Variants in UBA6 observed in about 807,000 individuals in gnomAD.
The protein encoded by UBA6 is ubiquitin like modifier activating enzyme 6.
Under a neutral mutation model 148.3 loss-of-function variants are expected in UBA6, and 87 were observed. The observed-to-expected ratio is 0.59, with a 90% CI of 0.49 to 0.70. The LOEUF (loss-of-function observed/expected upper bound fraction) is 0.70. Ranked by LOEUF, UBA6 falls within the 30% of genes least tolerant of loss-of-function variation. The pLI is 0.00. For missense variants in UBA6, 1,186 were observed against 1,241.2 expected, an observed-to-expected ratio of 0.96 and a Z score of 0.67; for synonymous variants, 376 against 401.0, an observed-to-expected ratio of 0.94 and a Z score of 0.75.
intron 8 of UBA6, among the ~76,000 whole-genome samples, chr4:67,669,561 T>C (rs757259913): frequency 2.6e-5 from 4 of 152,136 alleles, no homozygotes; most frequent in Non-Finnish European, 4.4e-5. Context: ...AAGTAAATTA[T>C]TTAGGTAAAA....
rs992852243 is a variant in UBA6, at chr4:67,613,281, A to T, written c.*5716T>A. 1.4e-4 allele frequency: 21 copies of T among 152,356 alleles called. No individual in the cohort carries two copies. The East Asian group carries it at 1.7e-3, about 13-fold the overall frequency. The allele number at this position is 152,356 out of a possible 1,614,324, so 9.4% of individuals were successfully genotyped here. On this transcript the variant is annotated 3_prime_UTR_variant, in exon 33 of 33. Coordinates refer to ENST00000322244, the MANE Select transcript of UBA6 (RefSeq NM_018227.6). ...CAAGTTATTTCTAGTTTTTTCAAAC[A>T]ATATTGGTAAATAATTAAAGGTAAC... is the stretch of plus-strand genomic sequence containing the variant.
chr4:67,649,129 C>T lies in UBA6; in HGVS notation c.1187G>A (p.Gly396Asp). 6.2e-7 allele frequency: 1 copy of T among 1,614,064 alleles called. No homozygotes were observed. Among genetic ancestry groups the T allele is most frequent in the Non-Finnish European group, 8.5e-7 (1 of 1,179,992 alleles). Residue 396 changes from glycine (G) to aspartate (D), a missense_variant, in exon 14 of 33, where the codon GGT becomes GAT. Gly to Asp is a moderately conservative substitution (Grantham distance 94). Transcript: ENST00000322244. Reference protein sequence around the residue: ...FLSPLAAAVGGVASQEVLKAV... With the variant: ...FLSPLAAAVGDVASQEVLKAV... ...TTTCAATACTTCTTGGCTGGCAACACCTCCTACTGCTGCAGCAAGTGGAGA... is the reference window on the plus strand; with the variant it reads ...TTTCAATACTTCTTGGCTGGCAACATCTCCTACTGCTGCAGCAAGTGGAGA...
At chr4:67,624,752 G>A (rs1433825495) in intron 29 of UBA6, among the ~76,000 whole-genome samples, 1 of 151,944 alleles carries the variant, frequency 6.6e-6, no homozygotes, top group Non-Finnish European at 1.5e-5. Context: ...AAAGATTATT[G>A]CCTATAAGAA....
In UBA6 at chr4:67,616,042, A is replaced by G. The variant is rs1216982679; in HGVS notation, c.*2955T>C. The G allele has an allele frequency of 3.3e-5, 13 of 389,224 alleles. No homozygotes were observed. The highest frequency in any genetic ancestry group is 1.1e-4 in the East Asian group (3 of 27,630). 24.1% of individuals were successfully genotyped at this position (389,224 alleles called of 1,614,324 possible). ...TTATATTTTATGTATTTTTGAATAT[A>G]TATGTGTTTTTGAAAAATATATATT... On this transcript the variant is annotated 3_prime_UTR_variant, in exon 33 of 33. Transcript: ENST00000322244.
rs561535603 is a variant in UBA6 at position 67,668,524 on chromosome 4, A to G, written c.793+27T>C. On this transcript the variant is annotated intron_variant, in intron 9 of 32. Transcript: ENST00000322244. ...CTATAAATTTGCTGAATAAGTATAA[A>G]TGAATTAATAAAACACATTGACTTA... 32 of 1,594,666 alleles carry G rather than the reference A, an allele frequency of 2.0e-5. No individual in the cohort carries two copies. The South Asian group carries it at 3.5e-4, about 17-fold the overall frequency.
At chr4:67,638,840 T>A (rs781343860) in intron 19 of UBA6, 103 bp downstream of exon 19, 3 of 814,406 alleles carry the variant, frequency 3.7e-6, no homozygotes, top group Non-Finnish European at 3.9e-6. Context: ...AATAGGAACA[T>A]AAGGAATAAT....
chr4:67,698,485 T>C (rs1449599809), intron 1 of UBA6, among the ~76,000 whole-genome samples: 1 of 152,182 alleles, frequency 6.6e-6, no homozygotes, highest in Non-Finnish European at 1.5e-5. Flanking sequence ...GCAAGCACTA[T>C]TGCTATCTCC....
chr4:67,646,677 A>C, intron 15 of UBA6, 47 bp downstream of exon 15: 1 of 1,441,850 alleles, frequency 6.9e-7, no homozygotes. Context: ...CAAAACTTTT[A>C]AAATCTATTT....
intron 1 of UBA6, among the ~76,000 whole-genome samples, chr4:67,697,934 T>C (rs1730880190): frequency 6.6e-6 from 1 of 152,192 alleles, no homozygotes; most frequent in African/African-American, 2.4e-5. Context: ...AAAACAAAAT[T>C]CAAACACCTC....
chr4:67,698,481 A>C (rs1193363704), intron 1 of UBA6, among the ~76,000 whole-genome samples: 1 of 152,216 alleles, frequency 6.6e-6, no homozygotes, highest in Non-Finnish European at 1.5e-5. Context: ...GTGGGCAAGC[A>C]CTATTGCTAT....
At chr4:67,663,667 T>C (rs1172245350) in intron 11 of UBA6, 8 of 505,832 alleles carry the variant, frequency 1.6e-5, no homozygotes, top group African/African-American at 3.8e-5. Context: ...AGTGAAACTT[T>C]TTCCTATTAC....
At chr4:67,630,397 A>C (rs1728969469) in intron 26 of UBA6, 69 bp downstream of exon 26, 28 of 940,648 alleles carry the variant, frequency 3.0e-5, no homozygotes, top group Non-Finnish European at 4.4e-5. Flanking sequence ...TTTTGATGCA[A>C]TTAGTGCATC....
At position 67,641,214 on chromosome 4, in the gene UBA6, A is replaced by G. The variant is rs774499587; in HGVS notation, c.1491T>C (p.Asp497=). 9 of 1,590,320 alleles carry G rather than the reference A, an allele frequency of 5.7e-6. No individual in the cohort carries two copies. The highest frequency in any genetic ancestry group is 6.9e-6 in the Non-Finnish European group (8 of 1,165,666). Residue 497 remains aspartate (D), a synonymous_variant, in exon 18 of 33, where the codon GAT becomes GAC. Transcript: ENST00000322244. ...AGTTGGATTTCTCTATCAAGTCAGGATCTGTAACTGTAATCTAATATCAAG... is the reference window on the plus strand; with the variant it reads ...AGTTGGATTTCTCTATCAAGTCAGGGTCTGTAACTGTAATCTAATATCAAG... The part of the protein sequence containing the change: ...SKEKGMITVT[D]PDLIEKSNLN...
At chr4:67,632,498 TAA>T (rs527238023) in intron 23 of UBA6, among the ~76,000 whole-genome samples, 2 of 151,958 alleles carry the variant, frequency 1.3e-5, no homozygotes, top group Non-Finnish European at 2.9e-5. Flanking sequence ...AAAAAAAGTT[TAA>T]AAAAAATGCA....
chr4:67,700,967 G>C, intron 1 of UBA6, 82 bp downstream of exon 1: 1 of 1,568,260 alleles, frequency 6.4e-7, no homozygotes, highest in Non-Finnish European at 8.7e-7. Context: ...GGCGCCCCCA[G>C]CCCGCCGGAA....
intron 23 of UBA6, 37 bp downstream of exon 23, chr4:67,633,308 T>A: frequency 6.5e-7 from 1 of 1,528,814 alleles, no homozygotes; most frequent in African/African-American, 1.4e-5. Context: ...TAAGCCAAGA[T>A]CAGACCTTTT....
At chr4:67,643,534 G>A (rs1328712723) in intron 17 of UBA6, among the ~76,000 whole-genome samples, 1 of 151,958 alleles carries the variant, frequency 6.6e-6, no homozygotes, top group Non-Finnish European at 1.5e-5. Flanking sequence ...CATGCTCTGA[G>A]TTTCAATTTC....
chr4:67,678,493 T>C lies in UBA6; in HGVS notation c.299A>G (p.Asp100Gly), dbSNP rs759829846. ...IHDTEKCQAW[D>G]LGTNFFLSED... ...ACTGAGAAAGAAGTTGGTTCCTAGA[T>C]CCCATGCTTGGCATTTTTCTGTATC... The change falls in exon 5 of 33, where the codon GAT becomes GGT. Residue 100 changes from aspartate (D) to glycine (G), a missense_variant. Transcript: ENST00000322244. 66 of 1,598,850 alleles carry C rather than the reference T, an allele frequency of 4.1e-5. No individual in the cohort carries two copies. Among genetic ancestry groups the C allele is most frequent in the Non-Finnish European group, 5.4e-5 (63 of 1,171,134 alleles).
At chr4:67,625,376 G>C (rs960206826) in intron 28 of UBA6, among the ~76,000 whole-genome samples, 189 bp from the exon 29 acceptor site, 35 of 148,620 alleles carry the variant, frequency 2.4e-4, no homozygotes, top group African/African-American at 8.7e-4. Context: ...CATGATTAAA[G>C]AGAGCCAATT....
Sources: gnomAD v4.1 joint callset for allele counts (sites outside exome capture counted in the v4.1 genomes callset) on GRCh38, gnomAD v4.1.1 for gene constraint, MANE v1.5 for transcripts, NCBI Gene and HGNC (gene_info 2026-07-23, HGNC 2026-07-21) for gene names.